Variants in TMEM39A observed in about 807,000 individuals in gnomAD.
The protein encoded by TMEM39A is suppressor of SQST-1 aggregates in rpl-43 mutants.
Under a neutral mutation model 51.9 loss-of-function variants are expected in TMEM39A, and 19 were observed. That is an observed-to-expected ratio of 0.37 (90% CI 0.26 to 0.54). The LOEUF is 0.54. TMEM39A is among the 20% of genes least tolerant of loss of function. The pLI is 0.88. For missense variants in TMEM39A, 433 were observed against 590.5 expected (o/e 0.73, Z 2.76); for synonymous variants, 197 against 220.2 (o/e 0.89, Z 0.93).
In TMEM39A at chr3:119,432,097, T is replaced by C. The variant is rs1289040075; in HGVS notation, c.1351A>G (p.Met451Val). Residue 451 changes from methionine (M) to valine (V), a missense_variant, in exon 9 of 9, where the codon ATG (methionine) becomes GTG (valine). Transcript: ENST00000319172. ...TAGTTGCAGAAGAGGATGAGAGCCA[T>C]GGAAAGTGTGTGGTTCCACTTCTCC... ...RSEKWNHTLS[M>V]ALILFCNYYV... is the part of the protein sequence containing the mutation. 7 of 1,613,310 alleles carry C rather than the reference T, an allele frequency of 4.3e-6. No homozygotes were observed. Among genetic ancestry groups the C allele is most frequent in the East Asian group, 4.5e-5 (2 of 44,868 alleles).
At chr3:119,459,661 C>G (rs1342896951) in intron 2 of TMEM39A, among the ~76,000 whole-genome samples, 1 of 152,138 alleles carries the variant, frequency 6.6e-6, no homozygotes, top group African/African-American at 2.4e-5. Context: ...GACAGCAGGA[C>G]AAGGAACTAC....
rs1410100430 is a variant in TMEM39A, at chr3:119,463,398, G to A, written c.-137C>T. ...GAAAGCGGCGACAACTTTACAGACT[G>A]GACCCCAGGTAAGGGAACTCCCTCC... On this transcript the variant is annotated 5_prime_UTR_variant, in exon 1 of 9. Coordinates refer to ENST00000319172, the MANE Select transcript of TMEM39A (RefSeq NM_018266.3). 7.6e-6 allele frequency: 3 copies of A among 392,414 alleles called. No homozygotes were observed. The highest frequency in any genetic ancestry group is 1.3e-5 in the Non-Finnish European group (3 of 222,778). 24.3% of individuals were successfully genotyped at this position (392,414 alleles called of 1,614,324 possible).
intron 6 of TMEM39A, 55 bp from the exon 7 acceptor site, chr3:119,437,033 G>A: frequency 6.5e-7 from 1 of 1,537,640 alleles, no homozygotes; most frequent in Non-Finnish European, 8.9e-7. Context: ...AAAGAGGCAG[G>A]GATGGGTTGG....
intron 3 of TMEM39A, 68 bp from the exon 4 acceptor site, chr3:119,452,598 A>G: frequency 1.8e-5 from 23 of 1,253,686 alleles, no homozygotes; most frequent in Non-Finnish European, 2.6e-5. Flanking sequence ...CTACTACAAG[A>G]ATAGAGGTTT....
In TMEM39A at chr3:119,434,763, T is replaced by A; in HGVS notation, c.1232A>T (p.Tyr411Phe). The change falls in exon 8 of 9, where the codon TAT becomes TTT. Residue 411 changes from tyrosine to phenylalanine, a missense_variant and splice_region_variant. Tyr to Phe is a conservative substitution (Grantham distance 22). This residue lies in a region of TMEM39A where 223 missense variants were observed against 328.1 expected (regional missense o/e 0.68). Coordinates refer to ENST00000319172, the MANE Select transcript of TMEM39A (RefSeq NM_018266.3). Reference sequence around the variant, plus strand: ...TGAAAATAAATAAGCGGTACTTGCATAAAAGCGGGCATGAGATACATCTGA... The same window carrying A: ...TGAAAATAAATAAGCGGTACTTGCAAAAAAGCGGGCATGAGATACATCTGA... ...VPSDVSHARFYFLFHRPLRLL... is the reference protein window; with the variant it reads ...VPSDVSHARFFFLFHRPLRLL... 1 of 1,613,532 alleles carries A rather than the reference T, an allele frequency of 6.2e-7. No individual in the cohort carries two copies. Among genetic ancestry groups the A allele is most frequent in the Non-Finnish European group, 8.5e-7 (1 of 1,179,578 alleles).
intron 3 of TMEM39A, among the ~76,000 whole-genome samples, chr3:119,456,633 T>G (rs963730884): frequency 1.3e-5 from 2 of 152,228 alleles, no homozygotes; most frequent in Non-Finnish European, 1.5e-5. Flanking sequence ...ACAACCTATC[T>G]GTCAAGTCAT....
chr3:119,463,581 AGCACC>A lies in TMEM39A; in HGVS notation c.-325_-321del, dbSNP rs2081368519. The A allele has an allele frequency of 2.5e-6, 1 of 398,830 alleles. No individual in the cohort carries two copies. Among genetic ancestry groups the A allele is most frequent in the Admixed American group, 4.4e-5 (1 of 22,740 alleles). 24.7% of individuals were successfully genotyped at this position (398,830 alleles called of 1,614,324 possible). A position where few individuals can be genotyped will look rare whatever the true frequency, so the allele number is the denominator to read the frequency against. ...AGCTAGAGCCAGAGCCTGATACTTC[AGCACC>A]CATCCCTAGCCTCCATTACCGCGGA... On this transcript the variant is annotated 5_prime_UTR_variant, in exon 1 of 9. The change abolishes the stop of an existing upstream ORF in the 5' untranslated region. Transcript: ENST00000319172.
intron 5 of TMEM39A, among the ~76,000 whole-genome samples, chr3:119,444,526 TAGAA>T (rs1159652539): frequency 5.3e-5 from 8 of 152,342 alleles, no homozygotes; most frequent in African/African-American, 1.4e-4. Context: ...GTATAACCAA[TAGAA>T]AGACTGTTCC....
chr3:119,451,473 T>C (rs1243595604), intron 4 of TMEM39A, among the ~76,000 whole-genome samples: 1 of 152,266 alleles, frequency 6.6e-6, no homozygotes, highest in Non-Finnish European at 1.5e-5. Flanking sequence ...TAATCACTTA[T>C]AGAGCACAAG....
intron 2 of TMEM39A, among the ~76,000 whole-genome samples, chr3:119,459,404 T>C (rs2081308751): frequency 6.6e-6 from 1 of 152,108 alleles, no homozygotes; most frequent in Non-Finnish European, 1.5e-5. Context: ...AGAAGAAAGA[T>C]TCAAAGGCAT....
rs751272983 is a variant in TMEM39A at position 119,462,126 on chromosome 3, A to C, written c.-52T>G. The C allele has an allele frequency of 2.1e-6, 3 of 1,434,358 alleles. No homozygotes were observed. The highest frequency in any genetic ancestry group is 2.0e-6 in the Non-Finnish European group (2 of 1,023,666). 88.9% of individuals were successfully genotyped at this position (1,434,358 alleles called of 1,614,324 possible). On this transcript the variant is annotated 5_prime_UTR_variant, in exon 2 of 9. Transcript: ENST00000319172. ...CCACCTGTAGTTGCAACCCAGGTTA[A>C]TGGTTGTCAACCAGTTTCAACTCTG...
chr3:119,435,788 G>A lies in TMEM39A; in HGVS notation c.1113-906C>T, dbSNP rs373141413. On this transcript the variant is annotated intron_variant, in intron 7 of 8. Coordinates refer to ENST00000319172, the MANE Select transcript of TMEM39A (RefSeq NM_018266.3). ...AAGTGATGATACACCTCATGGCCATGTGCCATCAGTAGCCTGAAGATGTAC... is the reference window on the plus strand; with the variant it reads ...AAGTGATGATACACCTCATGGCCATATGCCATCAGTAGCCTGAAGATGTAC... 1.7e-4 allele frequency: 208 copies of A among 1,214,654 alleles called. 3 individuals are homozygous for A. In the East Asian group the frequency reaches 7.5e-3, roughly 44 times the overall value. The allele number at this position is 1,214,654 out of a possible 1,614,324, so 75.2% of individuals were successfully genotyped here.
At position 119,463,604 on chromosome 3, in the gene TMEM39A, AC is replaced by A. The variant is rs1240281362; in HGVS notation, c.-344del. On this transcript the variant is annotated 5_prime_UTR_variant, in exon 1 of 9. Coordinates refer to ENST00000319172, the MANE Select transcript of TMEM39A (RefSeq NM_018266.3). ...TCAGCACCCATCCCTAGCCTCCATT[AC>A]CGCGGAGCTGAGCAGACGTGGCAGC... 1 of 398,726 alleles carries A rather than the reference AC, an allele frequency of 2.5e-6. No homozygotes were observed. The highest frequency in any genetic ancestry group is 4.4e-5 in the Admixed American group (1 of 22,736). 24.7% of individuals were successfully genotyped at this position (398,726 alleles called of 1,614,324 possible).
At chr3:119,450,826 C>CAAAAAAAAAAAAAAAAAAAAAAAAAAAA (rs60326718) in intron 4 of TMEM39A, among the ~76,000 whole-genome samples, 1 of 55,900 alleles carries the variant, frequency 1.8e-5, no homozygotes, top group Non-Finnish European at 3.0e-5. Context: ...GACTCCATCT[C>CAAAAAAAAAAAAAAAAAAAAAAAAAAAA]AAAAAAAAAA....
rs1010759911 is a variant in TMEM39A at position 119,429,967 on chromosome 3, G to A, written c.*2014C>T. ...CTTTCCCAAGCTGGAGCCAAGTTGG[G>A]GCAATTTTGATGAGATATCTCTGTG... On this transcript the variant is annotated 3_prime_UTR_variant, in exon 9 of 9. Coordinates refer to ENST00000319172, the MANE Select transcript of TMEM39A (RefSeq NM_018266.3). 3.3e-5 allele frequency: 5 copies of A among 151,864 alleles called. No individual in the cohort carries two copies. Among genetic ancestry groups the A allele is most frequent in the Non-Finnish European group, 2.9e-5 (2 of 67,932 alleles). 9.4% of individuals were successfully genotyped at this position (151,864 alleles called of 1,614,324 possible). A position where few individuals can be genotyped will look rare whatever the true frequency, so the allele number is the denominator to read the frequency against.
chr3:119,444,943 G>T (rs1324661248), intron 5 of TMEM39A, among the ~76,000 whole-genome samples: 1 of 152,166 alleles, frequency 6.6e-6, no homozygotes, highest in Non-Finnish European at 1.5e-5. Flanking sequence ...AGCGGGGCAT[G>T]GTGGTGTGCA....
chr3:119,451,830 C>CAAAAAAAAAA, intron 4 of TMEM39A, among the ~76,000 whole-genome samples: 1 of 54,276 alleles, frequency 1.8e-5, no homozygotes, highest in East Asian at 5.4e-4. Context: ...AACTCCGTCT[C>CAAAAAAAAAA]AAAAAAAAAA....
intron 4 of TMEM39A, among the ~76,000 whole-genome samples, chr3:119,451,691 G>T (rs966588875): frequency 1.3e-5 from 2 of 151,782 alleles, no homozygotes; most frequent in African/African-American, 4.8e-5. Flanking sequence ...TTAGCCAGGC[G>T]TGGTGGCGCA....
At chr3:119,445,567 A>T (rs1577056544) in intron 5 of TMEM39A, among the ~76,000 whole-genome samples, 1 of 152,322 alleles carries the variant, frequency 6.6e-6, no homozygotes, top group Non-Finnish European at 1.5e-5. Context: ...GCCCGGCGGG[A>T]ATTTTATTTA....
Sources: allele counts gnomAD v4.1 joint callset (sites outside exome capture counted in the v4.1 genomes callset), GRCh38; gene constraint gnomAD v4.1.1; regional missense constraint gnomAD v4.1.1; transcripts MANE v1.5; gene names NCBI Gene and HGNC (gene_info 2026-07-23, HGNC 2026-07-21).